Variants in CCDC178 observed in about 807,000 individuals in gnomAD.
CCDC178 encodes coiled-coil domain containing 178.
CCDC178 carries 126 observed loss-of-function variants against 117.4 expected under a neutral mutation model. That is an observed-to-expected ratio of 1.07 (90% CI 0.93 to 1.24). The LOEUF is 1.24. Ranked by LOEUF, CCDC178 falls within the 50% of genes most tolerant of loss-of-function variation. The pLI, the probability that CCDC178 is intolerant of heterozygous loss-of-function variation, is 0.00. For missense variants in CCDC178, 1,030 were observed against 986.9 expected (o/e 1.04, Z -0.59); for synonymous variants, 283 against 313.4 (o/e 0.90, Z 1.02).
chr18:33,016,127 A>G (rs1255692273), intron 21 of CCDC178, among the ~76,000 whole-genome samples: 1 of 152,156 alleles, frequency 6.6e-6, no homozygotes, highest in African/African-American at 2.4e-5. Context: ...TCTGAAAGAC[A>G]AAGAGAAAAA....
chr18:33,075,494 T>C (rs566621302), intron 21 of CCDC178, among the ~76,000 whole-genome samples: 62 of 152,296 alleles, frequency 4.1e-4, no homozygotes, highest in Middle Eastern at 3.4e-3. Flanking sequence ...TATTATGCAT[T>C]ATATTTCCAT....
chr18:33,353,502 G>A (rs1232439576), intron 7 of CCDC178, among the ~76,000 whole-genome samples: 1 of 151,834 alleles, frequency 6.6e-6, no homozygotes, highest in Non-Finnish European at 1.5e-5. Flanking sequence ...TTTGTAACTA[G>A]TTGATTTTTT....
intron 15 of CCDC178, among the ~76,000 whole-genome samples, chr18:33,231,818 T>C (rs1453394784): frequency 6.6e-6 from 1 of 152,130 alleles, no homozygotes; most frequent in Non-Finnish European, 1.5e-5. Context: ...GAACCCTATG[T>C]TGAGACACAA....
chr18:33,437,231 T>A (rs930941184), intron 2 of CCDC178, among the ~76,000 whole-genome samples: 2 of 152,152 alleles, frequency 1.3e-5, no homozygotes, highest in Non-Finnish European at 2.9e-5. Context: ...GAAAACAAAT[T>A]TAAATAATAA....
chr18:33,368,913 T>C (rs886898610), intron 6 of CCDC178, among the ~76,000 whole-genome samples: 2 of 152,106 alleles, frequency 1.3e-5, no homozygotes, highest in Middle Eastern at 3.4e-3. Context: ...TAAGTGGTAG[T>C]TGTTATAATT....
At chr18:33,127,213 C>A (rs2144239765) in intron 20 of CCDC178, among the ~76,000 whole-genome samples, 1 of 151,724 alleles carries the variant, frequency 6.6e-6, no homozygotes, top group South Asian at 2.1e-4. Context: ...GATATTTATT[C>A]ATTTGAATGT....
intron 15 of CCDC178, among the ~76,000 whole-genome samples, chr18:33,233,326 T>C (rs1432074992): frequency 6.6e-6 from 1 of 152,140 alleles, no homozygotes; most frequent in African/African-American, 2.4e-5. Flanking sequence ...TGAGTTGTTA[T>C]AGCAAAATAT....
At chr18:32,992,874 A>G (rs528003979) in intron 21 of CCDC178, among the ~76,000 whole-genome samples, 4 of 152,162 alleles carry the variant, frequency 2.6e-5, no homozygotes, top group African/African-American at 4.8e-5. Flanking sequence ...ATTAAACTCA[A>G]GGATGTTGGG....
chr18:33,187,086 G>GGAGAGAGAGA (rs58400297), intron 20 of CCDC178, among the ~76,000 whole-genome samples: 4,860 of 139,986 alleles, frequency 0.035, 90 homozygotes, highest in Middle Eastern at 0.053. Context: ...CATGGCGGCA[G>GGAGAGAGAGA]GAGAGAGAGA....
chr18:33,434,674 G>A (rs2064265536), intron 2 of CCDC178, among the ~76,000 whole-genome samples: 2 of 152,044 alleles, frequency 1.3e-5, no homozygotes, highest in African/African-American at 4.8e-5. Flanking sequence ...AGGTAGAAAG[G>A]AAAGGAGATA....
intron 21 of CCDC178, among the ~76,000 whole-genome samples, chr18:32,976,066 T>G (rs2055021848): frequency 6.6e-6 from 1 of 152,086 alleles, no homozygotes; most frequent in Non-Finnish European, 1.5e-5. Context: ...GTTAGTTGAT[T>G]AGGAAGAAGA....
intron 2 of CCDC178, among the ~76,000 whole-genome samples, chr18:33,417,922 G>T (rs2063968985): frequency 6.6e-6 from 1 of 152,090 alleles, no homozygotes; most frequent in Admixed American, 6.6e-5. Flanking sequence ...ATACAAAGAA[G>T]AGCTGGTACC....
intron 15 of CCDC178, among the ~76,000 whole-genome samples, chr18:33,236,686 CAAAT>C (rs2059430391): frequency 6.6e-6 from 1 of 152,094 alleles, no homozygotes; most frequent in Non-Finnish European, 1.5e-5. Context: ...ACCAAAGCAA[CAAAT>C]AAATAATGAA....
intron 7 of CCDC178, among the ~76,000 whole-genome samples, chr18:33,355,482 C>T (rs146515002): frequency 0.011 from 1,614 of 152,286 alleles, 9 homozygotes; most frequent in Admixed American, 0.019. Context: ...CTGTTTAAAC[C>T]CTGACTCTGT....
chr18:33,181,853 T>C (rs1185563182), intron 20 of CCDC178, among the ~76,000 whole-genome samples: 1 of 151,832 alleles, frequency 6.6e-6, no homozygotes, highest in Non-Finnish European at 1.5e-5. Context: ...TAGGGAAGTA[T>C]ATGCAAATGA....
chr18:33,224,184 G>T (rs1418262003), intron 17 of CCDC178, among the ~76,000 whole-genome samples: 1 of 152,044 alleles, frequency 6.6e-6, no homozygotes, highest in Non-Finnish European at 1.5e-5. Flanking sequence ...TATATGTATG[G>T]CCTCCCTGCA....
intron 21 of CCDC178, among the ~76,000 whole-genome samples, chr18:33,070,180 T>C (rs2057083769): frequency 6.6e-6 from 1 of 152,016 alleles, no homozygotes; most frequent in South Asian, 2.1e-4. Flanking sequence ...CTGGGGTATT[T>C]ATCCAAAGGA....
chr18:33,378,294 G>T (rs1420179467), intron 5 of CCDC178, among the ~76,000 whole-genome samples: 1 of 152,138 alleles, frequency 6.6e-6, no homozygotes, highest in Non-Finnish European at 1.5e-5. Flanking sequence ...CATTAATTTT[G>T]TACTGTGAAA....
chr18:33,265,758 T>G (rs1258990368), intron 14 of CCDC178, among the ~76,000 whole-genome samples: 6 of 151,962 alleles, frequency 3.9e-5, no homozygotes, highest in African/African-American at 1.2e-4. Context: ...TTGATCATAC[T>G]TATGTTAAGA....
Sources: gnomAD v4.1 joint callset for allele counts (sites outside exome capture counted in the v4.1 genomes callset) on GRCh38, gnomAD v4.1.1 for gene constraint, MANE v1.5 for transcripts, NCBI Gene and HGNC (gene_info 2026-07-23, HGNC 2026-07-21) for gene names.